EML2: variants seen among roughly 807,000 people sequenced by gnomAD.
The protein encoded by EML2 is EMAP like 2.
EML2 carries 59 observed loss-of-function variants against 84.7 expected under a neutral mutation model. The ratio of observed to expected loss-of-function variants is 0.70; its 90% CI spans 0.56 to 0.86. The LOEUF is 0.86. Ranked by LOEUF, EML2 falls within the 40% of genes least tolerant of loss-of-function variation. EML2 has a pLI of 0.00. For synonymous variants in EML2, 352 were observed against 348.9 expected (o/e 1.01, Z -0.10); for missense variants, 818 against 855.6 (o/e 0.96, Z 0.55).
At position 45,609,625 on chromosome 19, in the gene EML2, G is replaced by A. The variant is rs756522464; in HGVS notation, c.*38C>T. ...CGGCAATAGACATCTCCCGAAAATA[G>A]AATTCCTGCCCTGACACCTGACTCT... On this transcript the variant is annotated 3_prime_UTR_variant, in exon 19 of 19. Transcript: ENST00000245925. 9 of 1,567,124 alleles carry A rather than the reference G, an allele frequency of 5.7e-6. 1 individual carries two copies. In the South Asian group the frequency reaches 1.0e-4, roughly 18 times the overall value.
At chr19:45,639,429 C>A, upstream of EML2, 2 of 1,245,334 alleles carry the variant, frequency 1.6e-6, no homozygotes, top group Non-Finnish European at 2.0e-6. Context: ...ACCGGCTCTG[C>A]CGCTTCCGGC....
chr19:45,609,757 C>T lies in EML2; in HGVS notation c.1856G>A (p.Ser619Asn). ...ALSHKYGGHS[S>N]HVTNVAFLWD... ...CAAGAAGGCCACATTTGTCACATGG[C>T]TGCTGTGTCCACCGTACTTGTGGCT... Residue 619 changes from serine to asparagine, a missense_variant, in exon 19 of 19, where the codon AGC becomes AAC. Physicochemically the swap from Ser to Asn is conservative, Grantham distance 46. Transcript: ENST00000245925. The T allele has an allele frequency of 6.2e-7, 1 of 1,613,076 alleles. No individual in the cohort carries two copies. The highest frequency in any genetic ancestry group is 8.5e-7 in the Non-Finnish European group (1 of 1,179,606).
chr19:45,615,826 A>C lies in EML2; in HGVS notation c.1573T>G (p.Ser525Ala). 1.2e-6 allele frequency: 2 copies of C among 1,613,726 alleles called. No individual in the cohort carries two copies. The highest frequency in any genetic ancestry group is 1.7e-6 in the Non-Finnish European group (2 of 1,179,838). Reference protein sequence around the residue: ...AQDSSCFVTNSGDYEILYWDP... With the variant: ...AQDSSCFVTNAGDYEILYWDP... ...CAGTACAGAATCTCATAGTCCCCGG[A>C]GTTGGTGACAAAGCAGCTGCTGTCC... The change falls in exon 16 of 19, where the codon TCC becomes GCC. Residue 525 changes from serine to alanine, a missense_variant. Transcript: ENST00000245925.
chr19:45,617,533 G>C (rs554118202), intron 13 of EML2, 97 bp downstream of exon 13: 1 of 1,126,400 alleles, frequency 8.9e-7, no homozygotes, highest in South Asian at 1.5e-5. Flanking sequence ...ATCAGGGCTC[G>C]GTAAATAGTG....
rs1337362688 is a variant in EML2, at chr19:45,635,641, G to A, written c.180-1170C>T. ...GAGTTTCGCTCTTGTTGCCCAGGCT[G>A]GAGTGCAATGGTGTGATCTCAGCTC... On this transcript the variant is annotated intron_variant, in intron 3 of 18. Transcript: ENST00000245925. Among the ~76,000 whole-genome samples, 12 of 133,808 alleles carry A rather than the reference G, an allele frequency of 9.0e-5. No individual in the cohort carries two copies. The Admixed American group carries it at 1.0e-3, about 12-fold the overall frequency. The allele number at this position is 133,808 out of a possible 152,430, so 87.8% of individuals were successfully genotyped here.
At chr19:45,623,059 A>AG (rs1294126416) in intron 9 of EML2, among the ~76,000 whole-genome samples, 1 of 147,644 alleles carries the variant, frequency 6.8e-6, no homozygotes, top group Non-Finnish European at 1.5e-5. Context: ...AAAAAAAAAA[A>AG]AGAGAGAGAG....
intron 6 of EML2, among the ~76,000 whole-genome samples, chr19:45,631,483 A>C (rs1464824066): frequency 2.6e-5 from 4 of 152,008 alleles, no homozygotes; most frequent in African/African-American, 9.7e-5. Context: ...CAGTGGTGGG[A>C]TCTGAGCTCA....
At chr19:45,634,251 A>G in intron 4 of EML2, 71 bp downstream of exon 4, 1 of 1,600,552 alleles carries the variant, frequency 6.2e-7, no homozygotes. Context: ...GAAAAGAGGC[A>G]TAGAGGGGCA....
upstream of EML2, chr19:45,643,678 T>C (rs936324129): frequency 9.9e-5 from 152 of 1,535,740 alleles, no homozygotes; most frequent in Non-Finnish European, 1.3e-4. Context: ...AGCTCGCCCC[T>C]GCCATCCCGC....
intron 16 of EML2, among the ~76,000 whole-genome samples, chr19:45,615,545 A>G (rs1970944079): frequency 6.8e-6 from 1 of 147,778 alleles, no homozygotes; most frequent in African/African-American, 2.5e-5. Context: ...AATAATAATA[A>G]TAATAATAAT....
At chr19:45,625,861 C>T (rs890361243) in intron 8 of EML2, among the ~76,000 whole-genome samples, 3 of 151,858 alleles carry the variant, frequency 2.0e-5, no homozygotes, top group African/African-American at 7.3e-5. Flanking sequence ...CCGCAGCACC[C>T]CTGTTTTTGT....
upstream of EML2, chr19:45,643,491 GC>G (rs1036095756): frequency 1.1e-5 from 17 of 1,492,940 alleles, no homozygotes; most frequent in African/African-American, 1.1e-4. Context: ...TCCCCGAGTC[GC>G]CCCCCCAACC....
At position 45,618,499 on chromosome 19, in the gene EML2, C is replaced by T. The variant is rs563363276; in HGVS notation, c.1254+561G>A. Among the ~76,000 whole-genome samples, 31 of 152,160 alleles carry T rather than the reference C, an allele frequency of 2.0e-4. No homozygotes were observed. The South Asian group carries it at 2.5e-3, about 12-fold the overall frequency. ...GCGGTCACACCTTCCTTGAACTCAG[C>T]GGCTCCTGACTCCCCCCTCCTCATG... On this transcript the variant is annotated intron_variant, in intron 12 of 18. Transcript: ENST00000245925.
chr19:45,639,844 CTT>C (rs1011914911), upstream of EML2, among the ~76,000 whole-genome samples: 2 of 151,968 alleles, frequency 1.3e-5, no homozygotes, highest in African/African-American at 2.4e-5. Flanking sequence ...AAATACAAAA[CTT>C]AGCCTGGCGT....
rs66503218 is a variant in EML2 at position 45,637,470 on chromosome 19, ATTTT to A, written c.179+1031_179+1034del. Among the ~76,000 whole-genome samples, 3 of 101,656 alleles carry A rather than the reference ATTTT, an allele frequency of 3.0e-5. No homozygotes were observed. In the Admixed American group the frequency reaches 3.6e-4, roughly 12 times the overall value. 66.7% of individuals were successfully genotyped at this position (101,656 alleles called of 152,430 possible). ...GTAAGTGCTTGAGTTATTATTTTGG[ATTTT>A]TTTTTTTTTTTTTTTTTTTTTGAGA... On this transcript the variant is annotated intron_variant, in intron 3 of 18. Coordinates refer to ENST00000245925, the MANE Select transcript of EML2 (RefSeq NM_012155.4).
intron 3 of EML2, among the ~76,000 whole-genome samples, chr19:45,637,518 G>A (rs533967695): frequency 1.4e-4 from 18 of 128,826 alleles, no homozygotes; most frequent in Admixed American, 2.8e-4. Context: ...TCGCTCTGTC[G>A]CCCAGGCTGG....
At chr19:45,626,951 T>C in intron 7 of EML2, 112 bp from the exon 8 acceptor site, 1 of 916,540 alleles carries the variant, frequency 1.1e-6, no homozygotes, top group Non-Finnish European at 1.5e-6. Context: ...GCTGCACACC[T>C]GAACTTTTCT....
At chr19:45,625,378 T>C (rs1329859286) in intron 8 of EML2, among the ~76,000 whole-genome samples, 1 of 152,204 alleles carries the variant, frequency 6.6e-6, no homozygotes, top group African/African-American at 2.4e-5. Flanking sequence ...GTAGCTGGGA[T>C]TACAGGCGCC....
chr19:45,621,228 T>G lies in EML2; in HGVS notation c.1101A>C (p.Thr367=). 2 of 1,613,896 alleles carry G rather than the reference T, an allele frequency of 1.2e-6. No homozygotes were observed. The highest frequency in any genetic ancestry group is 1.7e-6 in the Non-Finnish European group (2 of 1,179,998). ...RNSILQGSVH[T]GFSLLVQGHV... ...GCACCTGGACCAGCAGTGAGAAGCC[T>G]GTGTGCACGGAGCCCTGCAGGATGG... is the stretch of plus-strand genomic sequence containing the variant. Residue 367 remains threonine (T), a synonymous_variant, in exon 11 of 19, where the codon ACA becomes ACC. Transcript: ENST00000245925.
Sources: gnomAD v4.1 joint callset for allele counts (sites outside exome capture counted in the v4.1 genomes callset) on GRCh38, gnomAD v4.1.1 for gene constraint, MANE v1.5 for transcripts, NCBI Gene and HGNC (gene_info 2026-07-23, HGNC 2026-07-21) for gene names.